DNAH8: variants seen among roughly 807,000 people sequenced by gnomAD.
DNAH8 encodes dynein axonemal heavy chain 8.
In DNAH8, 382 loss-of-function variants were observed where a neutral mutation model predicts 562.1. That is an observed-to-expected ratio of 0.68 (90% CI 0.63 to 0.74). The LOEUF (loss-of-function observed/expected upper bound fraction) is 0.74. Ranked by LOEUF, DNAH8 falls within the 30% of genes least tolerant of loss-of-function variation. DNAH8 has a pLI of 0.00. For synonymous variants in DNAH8, 1,881 were observed against 1,919.4 expected, an observed-to-expected ratio of 0.98 and a Z score of 0.52; for missense variants, 5,203 against 5,620.4, an observed-to-expected ratio of 0.93 and a Z score of 2.37.
At chr6:38,789,905 T>C in intron 19 of DNAH8, 22 bp downstream of exon 19, 1 of 1,555,700 alleles carries the variant, frequency 6.4e-7, no homozygotes, top group Non-Finnish European at 8.8e-7. Context: ...TGAAGGTTTG[T>C]ATTGATTTTC....
chr6:38,964,786 G>T (rs1762862330), intron 82 of DNAH8, among the ~76,000 whole-genome samples: 1 of 152,104 alleles, frequency 6.6e-6, no homozygotes. Flanking sequence ...TATAGTCCGG[G>T]CATGGTGGCT....
chr6:38,772,029 CTTTT>C (rs34980133), intron 12 of DNAH8, among the ~76,000 whole-genome samples: 4 of 131,908 alleles, frequency 3.0e-5, no homozygotes, highest in African/African-American at 2.8e-5. Context: ...TTTATGATTT[CTTTT>C]TTTTTTTTTT....
intron 45 of DNAH8, among the ~76,000 whole-genome samples, 196 bp downstream of exon 45, chr6:38,864,256 C>T (rs1047514039): frequency 6.6e-6 from 1 of 151,812 alleles, no homozygotes; most frequent in Non-Finnish European, 1.5e-5. Flanking sequence ...AAAAAAAATT[C>T]AGATCCAGAC....
chr6:38,924,412 T>A (rs1429488243), intron 73 of DNAH8, among the ~76,000 whole-genome samples: 2 of 151,870 alleles, frequency 1.3e-5, no homozygotes, highest in African/African-American at 4.8e-5. Flanking sequence ...CTCAGGAGGC[T>A]GAGGCAGGAG....
At chr6:38,880,304 A>T (rs919331656) in intron 53 of DNAH8, among the ~76,000 whole-genome samples, 2 of 152,120 alleles carry the variant, frequency 1.3e-5, no homozygotes, top group African/African-American at 4.8e-5. Context: ...TAAATTTAAT[A>T]AAATACGTGT....
intron 70 of DNAH8, among the ~76,000 whole-genome samples, chr6:38,919,872 T>A (rs947096485): frequency 3.3e-5 from 5 of 152,114 alleles, no homozygotes; most frequent in African/African-American, 1.2e-4. Flanking sequence ...AGTTAAAGTA[T>A]ATACTCACTC....
chr6:38,840,873 A>G (rs1057355201), intron 33 of DNAH8, among the ~76,000 whole-genome samples: 1 of 152,192 alleles, frequency 6.6e-6, no homozygotes, highest in African/African-American at 2.4e-5. Context: ...ACTTTATGTT[A>G]TACAGTAAGA....
chr6:38,937,890 C>A, intron 77 of DNAH8, 84 bp from the exon 78 acceptor site: 2 of 1,298,292 alleles, frequency 1.5e-6, no homozygotes, highest in East Asian at 2.3e-5. Flanking sequence ...AAGCTAACAG[C>A]GTTTTTTTTT....
Position 38,779,633 on chromosome 6 carries a change from T to C in DNAH8, c.2040-333T>C, listed in dbSNP as rs150568650. The stretch of plus-strand genomic sequence containing the variant: ...CTTTGCTAAGCCATCTCCTCACTCA[T>C]CTTGTAATCTGTTTGTCATTTTCTC... On this transcript the variant is annotated intron_variant, in intron 14 of 92. Transcript: ENST00000327475. 9.8e-5 allele frequency among the ~76,000 whole-genome samples: 15 copies of C among 152,334 alleles called. No individual in the cohort carries two copies. In the East Asian group the frequency reaches 2.7e-3, roughly 27 times the overall value.
At chr6:38,770,797 A>G (rs945331144) in intron 12 of DNAH8, among the ~76,000 whole-genome samples, 3 of 152,192 alleles carry the variant, frequency 2.0e-5, no homozygotes, top group Non-Finnish European at 2.9e-5. Flanking sequence ...TCAAGACCTC[A>G]GTTTACCTCT....
chr6:38,875,418 C>T (rs1235586372), intron 52 of DNAH8, among the ~76,000 whole-genome samples, 173 bp from the exon 53 acceptor site: 1 of 152,154 alleles, frequency 6.6e-6, no homozygotes, highest in African/African-American at 2.4e-5. Context: ...CTGTCTAAAA[C>T]AGGATAGCCT....
chr6:38,922,211 A>G (rs1022759806), intron 71 of DNAH8, among the ~76,000 whole-genome samples: 1 of 151,614 alleles, frequency 6.6e-6, no homozygotes, highest in Admixed American at 6.6e-5. Context: ...GGATCCTAAT[A>G]TAACCTCTTG....
intron 76 of DNAH8, chr6:38,932,872 C>T (rs1006094448): frequency 2.6e-5 from 4 of 152,278 alleles, no homozygotes; most frequent in African/African-American, 9.7e-5. Context: ...AAGGCAACAT[C>T]CTACCTGGCT....
intron 82 of DNAH8, among the ~76,000 whole-genome samples, chr6:38,960,098 A>G (rs947080241): frequency 2.6e-5 from 4 of 152,098 alleles, no homozygotes; most frequent in Non-Finnish European, 4.4e-5. Context: ...ATCTCTCACC[A>G]TACACAAAAA....
In DNAH8 at chr6:38,815,492, A is replaced by T; in HGVS notation, c.3358A>T (p.Ile1120Phe). The T allele has an allele frequency of 1.9e-6, 3 of 1,613,962 alleles. No individual in the cohort carries two copies. The highest frequency in any genetic ancestry group is 1.7e-6 in the Non-Finnish European group (2 of 1,179,878). ...NVVMIPSLDD[I>F]QQAINRMIQL... ...GGTGATGATTCCTAGTTTGGATGACATTCAACAAGCCATTAACCGTATGAT... is the reference window on the plus strand; with the variant it reads ...GGTGATGATTCCTAGTTTGGATGACTTTCAACAAGCCATTAACCGTATGAT... Residue 1120 changes from isoleucine to phenylalanine, a missense_variant, in exon 26 of 93, where the codon ATT (isoleucine) becomes TTT (phenylalanine). This residue lies in a region of DNAH8 where 2,176 missense variants were observed against 2,365.1 expected (regional missense o/e 0.92). Transcript: ENST00000327475.
At chr6:38,881,549 GTTTTTTTTT>G (rs3047883) in intron 53 of DNAH8, among the ~76,000 whole-genome samples, 2 of 134,018 alleles carry the variant, frequency 1.5e-5, no homozygotes, top group African/African-American at 5.7e-5. Context: ...TGAAATCAAT[GTTTTTTTTT>G]TTTTTTTTTG....
intron 88 of DNAH8, among the ~76,000 whole-genome samples, chr6:39,006,598 C>G (rs890936567): frequency 6.6e-6 from 1 of 152,160 alleles, no homozygotes; most frequent in Non-Finnish European, 1.5e-5. Flanking sequence ...AGACCTGAGT[C>G]AAAGGTATAT....
intron 12 of DNAH8, among the ~76,000 whole-genome samples, chr6:38,772,744 T>G (rs1260088269): frequency 6.6e-6 from 1 of 152,110 alleles, no homozygotes; most frequent in African/African-American, 2.4e-5. Flanking sequence ...GTTTTCTTTG[T>G]GTTTTTAATG....
intron 15 of DNAH8, 142 bp from the exon 16 acceptor site, chr6:38,781,112 G>A (rs561452699): frequency 1.2e-4 from 90 of 764,604 alleles, no homozygotes; most frequent in Non-Finnish European, 1.7e-4. Flanking sequence ...AGGTTACCTT[G>A]GATGTGCATT....
Sources: gnomAD v4.1 joint callset for allele counts (sites outside exome capture counted in the v4.1 genomes callset) on GRCh38, gnomAD v4.1.1 for gene constraint, gnomAD v4.1.1 regional missense constraint, MANE v1.5 for transcripts, NCBI Gene and HGNC (gene_info 2026-07-23, HGNC 2026-07-21) for gene names.